The following ZNF44 variants were observed in gnomAD, a reference collection of about 807,000 sequenced individuals.
The protein encoded by ZNF44 is zinc finger protein 44.
In ZNF44, 9 loss-of-function variants were observed where a neutral mutation model predicts 11.7. That is an observed-to-expected ratio of 0.77 (90% CI 0.46 to 1.35). ZNF44 has a LOEUF of 1.35. Ranked by LOEUF, ZNF44 falls within the 40% of genes most tolerant of loss-of-function variation. ZNF44 has a pLI of 0.00. For missense variants in ZNF44, 696 were observed against 743.1 expected (o/e 0.94, Z 0.74); for synonymous variants, 224 against 242.7 (o/e 0.92, Z 0.72).
At chr19:12,243,393 G>GT (rs148008145), downstream of ZNF44, among the ~76,000 whole-genome samples, 1 of 152,242 alleles carries the variant, frequency 6.6e-6, no homozygotes, top group Non-Finnish European at 1.5e-5. Context: ...CTGCCTCGGA[G>GT]TTTAAGTTTT....
At chr19:12,235,445 C>T (rs1400270752) in intron 1 of ZNF44, among the ~76,000 whole-genome samples, 1 of 152,114 alleles carries the variant, frequency 6.6e-6, no homozygotes, top group African/African-American at 2.4e-5. Flanking sequence ...CAAGAGTAAA[C>T]ACTTCCTAAT....
chr19:12,269,332 G>C (rs7256561), downstream of ZNF44, among the ~76,000 whole-genome samples: 31,362 of 151,952 alleles, frequency 0.21, 4,204 homozygotes, highest in African/African-American at 0.39. Context: ...AGACCATCCT[G>C]GCTAACACGG....
At chr19:12,293,368 C>A in intron 1 of ZNF44, 1 of 1,536,418 alleles carries the variant, frequency 6.5e-7, no homozygotes, top group Non-Finnish European at 8.7e-7. Context: ...AGTTCCATAA[C>A]ACAGGGCCTG....
At chr19:12,284,445 G>C (rs1356775142) in intron 1 of ZNF44, 1 of 638,218 alleles carries the variant, frequency 1.6e-6, no homozygotes, top group Non-Finnish European at 2.9e-6. Flanking sequence ...CCGGGGCCGG[G>C]GCCGCGGAGC....
intron 1 of ZNF44, among the ~76,000 whole-genome samples, chr19:12,293,819 GCA>G (rs1312386200): frequency 2.6e-5 from 4 of 152,068 alleles, no homozygotes; most frequent in Admixed American, 2.6e-4. Context: ...GGACTGAAGA[GCA>G]CAGAGACCAC....
chr19:12,290,809 G>T (rs1327647907), intron 1 of ZNF44, among the ~76,000 whole-genome samples: 3 of 152,212 alleles, frequency 2.0e-5, no homozygotes, highest in Non-Finnish European at 4.4e-5. Context: ...TCCCCAGGAA[G>T]AACCAACTAA....
At chr19:12,243,707 C>T, downstream of ZNF44, among the ~76,000 whole-genome samples, 1 of 151,878 alleles carries the variant, frequency 6.6e-6, no homozygotes, top group East Asian at 1.9e-4. Context: ...ACTGTTGGAT[C>T]ACATGGTAGT....
In ZNF44 at chr19:12,233,568, A is replaced by AC. The variant is rs1287270314; in HGVS notation, n.380+1098_380+1099insG. ...CATACATCAAAAAAAAAAAAAAAAA[A>AC]AAAACCTGACAATAGAAACTGCCTG... is the stretch of plus-strand genomic sequence containing the variant. On this transcript the variant is annotated intron_variant and non_coding_transcript_variant, in intron 2 of 3. Transcript: ENST00000597563. 9.9e-4 allele frequency among the ~76,000 whole-genome samples: 151 copies of AC among 151,944 alleles called. 2 individuals are homozygous for AC. Among genetic ancestry groups the AC allele is most frequent in the Admixed American group, 7.8e-3 (119 of 15,234 alleles).
At chr19:12,267,408 T>C (rs563467072), downstream of ZNF44, among the ~76,000 whole-genome samples, 1 of 152,006 alleles carries the variant, frequency 6.6e-6, no homozygotes, top group African/African-American at 2.4e-5. Context: ...ATTTAATATA[T>C]GGGAAAAAGG....
Position 12,273,146 on chromosome 19 carries a change from C to T in ZNF44, c.1109G>A (p.Cys370Tyr). The T allele has an allele frequency of 6.2e-7, 1 of 1,613,806 alleles. No individual in the cohort carries two copies. The highest frequency in any genetic ancestry group is 1.1e-5 in the South Asian group (1 of 91,078). Residue 370 changes from cysteine (C) to tyrosine (Y), a missense_variant, in exon 4 of 4, where the codon TGT (cysteine) becomes TAT (tyrosine). Physicochemically the swap from Cys to Tyr is radical, Grantham distance 194. Coordinates refer to ENST00000355684, the MANE Select transcript of ZNF44 (RefSeq NM_016264.4). Reference sequence around the variant, plus strand: ...TGAGCGATGAGATAACAATTTCCCACATTGCTTACATTCATAGGGTTTCTC... The same window carrying T: ...TGAGCGATGAGATAACAATTTCCCATATTGCTTACATTCATAGGGTTTCTC... ...TLEKPYECKQCGKLLSHRSSF... is the reference protein window; with the variant it reads ...TLEKPYECKQYGKLLSHRSSF...
chr19:12,270,487 T>C (rs1966915451), downstream of ZNF44, among the ~76,000 whole-genome samples: 1 of 151,802 alleles, frequency 6.6e-6, no homozygotes, highest in Admixed American at 6.6e-5. Flanking sequence ...AGTCTCACTC[T>C]GTCACCCAGA....
chr19:12,294,723 C>G lies in ZNF44; in HGVS notation c.-29G>C. The G allele has an allele frequency of 6.4e-7, 1 of 1,555,364 alleles. No individual in the cohort carries two copies. Among genetic ancestry groups the G allele is most frequent in the South Asian group, 1.2e-5 (1 of 84,132 alleles). ...CCGGCTGTGCGGTGTCCCGGGTCCT[C>G]CCAACTCCCGTAGTCAGGGTAGGTC... On this transcript the variant is annotated 5_prime_UTR_variant, in exon 1 of 4. Transcript: ENST00000355684.
chr19:12,274,775 T>C (rs1967141592), intron 3 of ZNF44, among the ~76,000 whole-genome samples, 198 bp downstream of exon 3: 1 of 152,162 alleles, frequency 6.6e-6, no homozygotes, highest in African/African-American at 2.4e-5. Context: ...GGGAACTACT[T>C]TGCAAACACT....
intron 2 of ZNF44, among the ~76,000 whole-genome samples, chr19:12,230,953 C>CTG (rs1916138267): frequency 6.6e-6 from 1 of 152,092 alleles, no homozygotes. Context: ...TAGCATGTCT[C>CTG]TGGTCTGGGA....
Position 12,272,725 on chromosome 19 carries a change from G to C in ZNF44, c.1530C>G (p.Gly510=), listed in dbSNP as rs56056044. The part of the protein sequence containing the change: ...EEKSYECQIC[G]KAFSRFSYLK... Reference sequence around the variant, plus strand: ...AGTAACTGAAACGACTGAAGGCTTTGCCACAAATTTGACACTCATAAGATT... The same window carrying C: ...AGTAACTGAAACGACTGAAGGCTTTCCCACAAATTTGACACTCATAAGATT... Residue 510 remains glycine, a synonymous_variant, in exon 4 of 4, where the codon GGC becomes GGG. Transcript: ENST00000355684. 0.17 allele frequency: 281,371 copies of C among 1,613,442 alleles called. 25,408 individuals carry two copies. The highest frequency in any genetic ancestry group is 0.27 in the East Asian group (12,004 of 44,838).
intron 5 of ZNF44, among the ~76,000 whole-genome samples, chr19:12,252,973 C>G (rs1050695446): frequency 5.3e-5 from 8 of 149,746 alleles, no homozygotes; most frequent in African/African-American, 1.5e-4. Flanking sequence ...CTGCAACCTC[C>G]GCCTCCAGGG....
chr19:12,275,940 A>T lies in ZNF44; in HGVS notation c.130+16T>A, dbSNP rs372745116. 2 of 1,586,366 alleles carry T rather than the reference A, an allele frequency of 1.3e-6. No individual in the cohort carries two copies. The highest frequency in any genetic ancestry group is 1.7e-6 in the Non-Finnish European group (2 of 1,163,938). ...TGTCTCTAATTGACCAAATGAAGAC[A>T]TGATGTCATCCATACCTATACAGTT... On this transcript the variant is annotated intron_variant, in intron 2 of 3. Coordinates refer to ENST00000355684, the MANE Select transcript of ZNF44 (RefSeq NM_016264.4).
At chr19:12,247,519 A>G (rs749927989), downstream of ZNF44, 1 of 1,350,566 alleles carries the variant, frequency 7.4e-7, no homozygotes, top group Non-Finnish European at 9.9e-7. Flanking sequence ...CACTGTTTAC[A>G]TTCATAAGGT....
At chr19:12,263,065 A>C (rs1568435377) in intron 5 of ZNF44, among the ~76,000 whole-genome samples, 1 of 151,890 alleles carries the variant, frequency 6.6e-6, no homozygotes, top group Non-Finnish European at 1.5e-5. Context: ...GACCCAAATG[A>C]ACTCTCAAAT....
Sources: allele counts gnomAD v4.1 joint callset (sites outside exome capture counted in the v4.1 genomes callset), GRCh38; gene constraint gnomAD v4.1.1; transcripts MANE v1.5; gene names NCBI Gene and HGNC (gene_info 2026-07-23, HGNC 2026-07-21).